MPLKIP: variants seen among roughly 807,000 people sequenced by gnomAD.
The protein encoded by MPLKIP is M-phase-specific PLK1-interacting protein.
MPLKIP carries 16 observed loss-of-function variants against 16.9 expected under a neutral mutation model. The ratio of observed to expected loss-of-function variants is 0.94; its 90% CI spans 0.64 to 1.43. The LOEUF (loss-of-function observed/expected upper bound fraction) is 1.43. Among genes scored for constraint, MPLKIP ranks in the 40% most tolerant of loss-of-function variants. The pLI is 0.00. For missense variants in MPLKIP, 282 were observed against 237.6 expected (o/e 1.19, Z -1.23); for synonymous variants, 126 against 98.4 (o/e 1.28, Z -1.66).
intron 1 of MPLKIP, 112 bp downstream of exon 1, chr7:40,134,117 G>A: frequency 7.8e-7 from 1 of 1,280,928 alleles, no homozygotes; most frequent in African/African-American, 1.5e-5. Context: ...GCAAAATTGG[G>A]CTAACAATAG....
In MPLKIP at chr7:40,126,856, G is replaced by T. The variant is rs1343819160; in HGVS notation, c.*6203C>A. 1 of 151,086 alleles carries T rather than the reference G, an allele frequency of 6.6e-6. No homozygotes were observed. Among genetic ancestry groups the T allele is most frequent in the Non-Finnish European group, 1.5e-5 (1 of 67,890 alleles). The allele number at this position is 151,086 out of a possible 1,614,324, so 9.4% of individuals were successfully genotyped here. ...GAGTCTCGCTCTGTCGCCCAGGCTG[G>T]AGTGCAGTGGCGCCATCTTAACTCA... is the stretch of plus-strand genomic sequence containing the variant. On this transcript the variant is annotated 3_prime_UTR_variant, in exon 2 of 2. Coordinates refer to ENST00000306984, the MANE Select transcript of MPLKIP (RefSeq NM_138701.4).
Position 40,134,544 on chromosome 7 carries a change from G to T in MPLKIP, c.24C>A (p.Pro8=), listed in dbSNP as rs747797874. Residue 8 remains proline (P), a synonymous_variant, in exon 1 of 2, where the codon CCC becomes CCA. Coordinates refer to ENST00000306984, the MANE Select transcript of MPLKIP (RefSeq NM_138701.4). MQRQNFR[P]PTPPYPGPGG... is the part of the protein sequence containing the mutation. ...CCGGACCAGGGTAAGGAGGAGTTGG[G>T]GGCCGAAAATTCTGTCGCTGCATAT... The T allele has an allele frequency of 1.3e-5, 21 of 1,592,724 alleles. 1 individual carries two copies. The Admixed American group carries it at 1.8e-4, about 13-fold the overall frequency.
At position 40,128,429 on chromosome 7, in the gene MPLKIP, C is replaced by T. The variant is rs567744571; in HGVS notation, c.*4630G>A. Reference sequence around the variant, plus strand: ...GGCAAGGGTTAATGAAAATGTTTCTCTTAAGAATCTGAAAATGTTTCAGAA... The same window carrying T: ...GGCAAGGGTTAATGAAAATGTTTCTTTTAAGAATCTGAAAATGTTTCAGAA... On this transcript the variant is annotated 3_prime_UTR_variant, in exon 2 of 2. Transcript: ENST00000306984. The T allele has an allele frequency of 1.3e-5, 2 of 152,138 alleles. No individual in the cohort carries two copies. The highest frequency in any genetic ancestry group is 4.8e-5 in the African/African-American group (2 of 41,430). 9.4% of individuals were successfully genotyped at this position (152,138 alleles called of 1,614,324 possible). A position where few individuals can be genotyped will look rare whatever the true frequency, so the allele number is the denominator to read the frequency against.
In MPLKIP at chr7:40,130,129, T is replaced by C. The variant is rs760370124; in HGVS notation, c.*2930A>G. 7 of 152,228 alleles carry C rather than the reference T, an allele frequency of 4.6e-5. No individual in the cohort carries two copies. The highest frequency in any genetic ancestry group is 6.5e-5 in the Admixed American group (1 of 15,276). 9.4% of individuals were successfully genotyped at this position (152,228 alleles called of 1,614,324 possible). A position where few individuals can be genotyped will look rare whatever the true frequency, so the allele number is the denominator to read the frequency against. On this transcript the variant is annotated 3_prime_UTR_variant, in exon 2 of 2. Transcript: ENST00000306984. ...AAAGTTTAATATTCCCAGGAGTATG[T>C]AGACCCTTGTTTGAAGACTCTACTA...
At position 40,134,612 on chromosome 7, in the gene MPLKIP, G is replaced by A. The variant is rs1787566094; in HGVS notation, c.-45C>T. 2 of 1,537,108 alleles carry A rather than the reference G, an allele frequency of 1.3e-6. No homozygotes were observed. Among genetic ancestry groups the A allele is most frequent in the African/African-American group, 1.4e-5 (1 of 73,238 alleles). ...AACCTCGCAGCCGCGTTCTCCCACC[G>A]GAACTGTATCAACCGGCCCTCCGCA... On this transcript the variant is annotated 5_prime_UTR_variant, in exon 1 of 2. Transcript: ENST00000306984.
Position 40,128,177 on chromosome 7 carries a change from C to T in MPLKIP, c.*4882G>A, listed in dbSNP as rs1380690319. Reference sequence around the variant, plus strand: ...GGGGGGAAGACGAGAACAAAGAGTTCGATCTGTAACTGACTGAACAATCAA... The same window carrying T: ...GGGGGGAAGACGAGAACAAAGAGTTTGATCTGTAACTGACTGAACAATCAA... On this transcript the variant is annotated 3_prime_UTR_variant, in exon 2 of 2. Transcript: ENST00000306984. 6.6e-6 allele frequency: 1 copy of T among 152,038 alleles called. No individual in the cohort carries two copies. The highest frequency in any genetic ancestry group is 1.5e-5 in the Non-Finnish European group (1 of 68,020). The allele number at this position is 152,038 out of a possible 1,614,324, so 9.4% of individuals were successfully genotyped here.
chr7:40,130,625 C>CT lies in MPLKIP; in HGVS notation c.*2433dup, dbSNP rs1322651986. Reference sequence around the variant, plus strand: ...ATCCTAACTTCTGTTTTCGTCTTTACTAATAACCCAATGATCTAAGAGATG... The same window carrying CT: ...ATCCTAACTTCTGTTTTCGTCTTTACTTAATAACCCAATGATCTAAGAGATG... On this transcript the variant is annotated 3_prime_UTR_variant, in exon 2 of 2. Transcript: ENST00000306984. 1 of 152,184 alleles carries CT rather than the reference C, an allele frequency of 6.6e-6. No homozygotes were observed. The highest frequency in any genetic ancestry group is 1.5e-5 in the Non-Finnish European group (1 of 68,030). 9.4% of individuals were successfully genotyped at this position (152,184 alleles called of 1,614,324 possible).
rs1787454477 is a variant in MPLKIP, at chr7:40,131,107, A to C, written c.*1952T>G. 1 of 152,168 alleles carries C rather than the reference A, an allele frequency of 6.6e-6. No individual in the cohort carries two copies. The highest frequency in any genetic ancestry group is 1.5e-5 in the Non-Finnish European group (1 of 68,042). 9.4% of individuals were successfully genotyped at this position (152,168 alleles called of 1,614,324 possible). On this transcript the variant is annotated 3_prime_UTR_variant, in exon 2 of 2. Transcript: ENST00000306984. ...CAGGTACTATTAATTTTCTCATCTT[A>C]CACATGAGAAAATTGAGGCATAGAG... is the stretch of plus-strand genomic sequence containing the variant.
In MPLKIP at chr7:40,130,316, C is replaced by T. The variant is rs752032833; in HGVS notation, c.*2743G>A. ...TTTAAAGAATAATCAATTCCTTTTACTCAGATAAATAAAAATAGAGTAACG... is the reference window on the plus strand; with the variant it reads ...TTTAAAGAATAATCAATTCCTTTTATTCAGATAAATAAAAATAGAGTAACG... On this transcript the variant is annotated 3_prime_UTR_variant, in exon 2 of 2. Coordinates refer to ENST00000306984, the MANE Select transcript of MPLKIP (RefSeq NM_138701.4). 1 of 152,170 alleles carries T rather than the reference C, an allele frequency of 6.6e-6. No individual in the cohort carries two copies. The highest frequency in any genetic ancestry group is 2.4e-5 in the African/African-American group (1 of 41,446). 9.4% of individuals were successfully genotyped at this position (152,170 alleles called of 1,614,324 possible). A position where few individuals can be genotyped will look rare whatever the true frequency, so the allele number is the denominator to read the frequency against.
Position 40,131,124 on chromosome 7 carries a change from G to A in MPLKIP, c.*1935C>T, listed in dbSNP as rs951602454. 3.0e-4 allele frequency: 45 copies of A among 152,018 alleles called. No homozygotes were observed. The highest frequency in any genetic ancestry group is 1.1e-3 in the African/African-American group (45 of 41,356). 9.4% of individuals were successfully genotyped at this position (152,018 alleles called of 1,614,324 possible). On this transcript the variant is annotated 3_prime_UTR_variant, in exon 2 of 2. Transcript: ENST00000306984. ...CTCATCTTACACATGAGAAAATTGA[G>A]GCATAGAGAAGTGAACTCATCCAGC...
Position 40,129,972 on chromosome 7 carries a change from G to A in MPLKIP, c.*3087C>T, listed in dbSNP as rs1289033422. On this transcript the variant is annotated 3_prime_UTR_variant, in exon 2 of 2. Coordinates refer to ENST00000306984, the MANE Select transcript of MPLKIP (RefSeq NM_138701.4). ...ACCAGTGATTACCAAAAGGCAGCAG[G>A]GAAAAAGAACTGGCATGATCCCTTG... 2 of 152,052 alleles carry A rather than the reference G, an allele frequency of 1.3e-5. No individual in the cohort carries two copies. The highest frequency in any genetic ancestry group is 2.9e-5 in the Non-Finnish European group (2 of 68,010). The allele number at this position is 152,052 out of a possible 1,614,324, so 9.4% of individuals were successfully genotyped here.
rs1444496160 is a variant in MPLKIP, at chr7:40,133,266, A to G, written c.340-7T>C. The G allele has an allele frequency of 1.2e-6, 2 of 1,608,950 alleles. No homozygotes were observed. The highest frequency in any genetic ancestry group is 1.7e-6 in the Non-Finnish European group (2 of 1,178,170). ...TAGATGTCCTTGGAGAACCCTTTAG[A>G]AAAAAAATCAGTTAAAAAAACACTT... is the stretch of plus-strand genomic sequence containing the variant. On this transcript the variant is annotated splice_polypyrimidine_tract_variant and splice_region_variant and intron_variant, in intron 1 of 1. Transcript: ENST00000306984.
chr7:40,134,342 C>G lies in MPLKIP; in HGVS notation c.226G>C (p.Gly76Arg), dbSNP rs768229563. 5 of 1,553,012 alleles carry G rather than the reference C, an allele frequency of 3.2e-6. No homozygotes were observed. The highest frequency in any genetic ancestry group is 4.4e-6 in the Non-Finnish European group (5 of 1,149,034). Residue 76 changes from glycine (G) to arginine (R), a missense_variant, in exon 1 of 2, where the codon GGC (glycine) becomes CGC (arginine). By Grantham distance (125) the Gly-to-Arg change is moderately radical. Transcript: ENST00000306984. ...SPRHGGSFPG[G>R]RFGSPSPGGY... ...CCAGGGGACGGAGACCCGAACCGGC[C>G]CCCCGGGAAGCTGCCGCCGTGTCGC...
In MPLKIP at chr7:40,129,995, T is replaced by C. The variant is rs1787441122; in HGVS notation, c.*3064A>G. 1 of 152,190 alleles carries C rather than the reference T, an allele frequency of 6.6e-6. No homozygotes were observed. Among genetic ancestry groups the C allele is most frequent in the African/African-American group, 2.4e-5 (1 of 41,458 alleles). The allele number at this position is 152,190 out of a possible 1,614,324, so 9.4% of individuals were successfully genotyped here. A position where few individuals can be genotyped will look rare whatever the true frequency, so the allele number is the denominator to read the frequency against. ...AGGGAAAAAGAACTGGCATGATCCC[T>C]TGATATGGATATGTTTTTATGTAGG... On this transcript the variant is annotated 3_prime_UTR_variant, in exon 2 of 2. Transcript: ENST00000306984.
rs1314111266 is a variant in MPLKIP, at chr7:40,126,165, A to AGCATGTT, written c.*6887_*6893dup. The AGCATGTT allele has an allele frequency of 2.0e-5, 3 of 152,196 alleles. No individual in the cohort carries two copies. The highest frequency in any genetic ancestry group is 7.2e-5 in the African/African-American group (3 of 41,458). The allele number at this position is 152,196 out of a possible 1,614,324, so 9.4% of individuals were successfully genotyped here. On this transcript the variant is annotated 3_prime_UTR_variant, in exon 2 of 2. Coordinates refer to ENST00000306984, the MANE Select transcript of MPLKIP (RefSeq NM_138701.4). ...ACCCCAAAATAATTACTATATCTAA[A>AGCATGTT]GCATGTTACCTTCATTTGTATTTAC... is the stretch of plus-strand genomic sequence containing the variant.
At position 40,134,407 on chromosome 7, in the gene MPLKIP, T is replaced by C; in HGVS notation, c.161A>G (p.Tyr54Cys). 7.0e-6 allele frequency: 11 copies of C among 1,562,830 alleles called. No individual in the cohort carries two copies. The highest frequency in any genetic ancestry group is 9.5e-6 in the Non-Finnish European group (11 of 1,155,550). ...CCCGTACGGCCTAGACCGGGGCCCG[T>C]ACGGCGGCGTGTGGTGCGGACTCCC... ...GYGSPHHTPP[Y>C]GPRSRPYGSS... is the part of the protein sequence containing the mutation. The change falls in exon 1 of 2, where the codon TAC becomes TGC. Residue 54 changes from tyrosine (Y) to cysteine (C), a missense_variant. Tyr to Cys is a radical substitution (Grantham distance 194, BLOSUM62 -2). Coordinates refer to ENST00000306984, the MANE Select transcript of MPLKIP (RefSeq NM_138701.4).
chr7:40,134,601 G>T lies in MPLKIP; in HGVS notation c.-34C>A, dbSNP rs901738307. ...CCAAAGCCGAAAACCTCGCAGCCGC[G>T]TTCTCCCACCGGAACTGTATCAACC... On this transcript the variant is annotated 5_prime_UTR_variant, in exon 1 of 2. Transcript: ENST00000306984. 3.9e-6 allele frequency: 6 copies of T among 1,549,624 alleles called. No homozygotes were observed. Among genetic ancestry groups the T allele is most frequent in the East Asian group, 2.4e-5 (1 of 42,070 alleles).
Position 40,129,719 on chromosome 7 carries a change from G to A in MPLKIP, c.*3340C>T, listed in dbSNP as rs1051187198. 6.6e-6 allele frequency: 1 copy of A among 151,602 alleles called. No individual in the cohort carries two copies. Among genetic ancestry groups the A allele is most frequent in the Non-Finnish European group, 1.5e-5 (1 of 68,008 alleles). The allele number at this position is 151,602 out of a possible 1,614,324, so 9.4% of individuals were successfully genotyped here. ...AGGCCGAGGCTGGAGGACCCCTTAA[G>A]CCTAAGAGTTAGAGACCAGCCTGGG... On this transcript the variant is annotated 3_prime_UTR_variant, in exon 2 of 2. Coordinates refer to ENST00000306984, the MANE Select transcript of MPLKIP (RefSeq NM_138701.4).
In MPLKIP at chr7:40,128,581, C is replaced by A. The variant is rs1271006621; in HGVS notation, c.*4478G>T. On this transcript the variant is annotated 3_prime_UTR_variant, in exon 2 of 2. Coordinates refer to ENST00000306984, the MANE Select transcript of MPLKIP (RefSeq NM_138701.4). The stretch of plus-strand genomic sequence containing the variant: ...TATCATGCAAACTATGCTACTGAGA[C>A]AGGAATTGAGATATCTTCATCAGGC... 6.6e-6 allele frequency: 1 copy of A among 152,116 alleles called. No homozygotes were observed. The highest frequency in any genetic ancestry group is 1.5e-5 in the Non-Finnish European group (1 of 68,036). The allele number at this position is 152,116 out of a possible 1,614,324, so 9.4% of individuals were successfully genotyped here.
Sources: gnomAD v4.1 joint callset for allele counts on GRCh38, gnomAD v4.1.1 for gene constraint, MANE v1.5 for transcripts, NCBI Gene and HGNC (gene_info 2026-07-23, HGNC 2026-07-21) for gene names.